LRP1B: variants seen among roughly 807,000 people sequenced by gnomAD.
The protein encoded by LRP1B is low-density lipoprotein receptor-related protein 1B.
In LRP1B, 217 loss-of-function variants were observed where a neutral mutation model predicts 556.6. The observed-to-expected ratio is 0.39, with a 90% CI of 0.35 to 0.44. The LOEUF is 0.44. Ranked by LOEUF, LRP1B falls within the 20% of genes least tolerant of loss-of-function variation. The pLI, the probability that LRP1B is intolerant of heterozygous loss-of-function variation, is 1.00. For synonymous variants in LRP1B, 2,047 were observed against 1,865.8 expected, an observed-to-expected ratio of 1.10 and a Z score of -2.50; for missense variants, 5,053 against 5,620.8, an observed-to-expected ratio of 0.90 and a Z score of 3.23.
At chr2:140,933,653 CATA>C (rs1440304283) in intron 20 of LRP1B, among the ~76,000 whole-genome samples, 1 of 152,028 alleles carries the variant, frequency 6.6e-6, no homozygotes, top group Non-Finnish European at 1.5e-5. Context: ...TGTCAAAGTG[CATA>C]ATAATTGTCT....
chr2:141,761,000 T>A (rs1442801942), intron 2 of LRP1B, among the ~76,000 whole-genome samples: 1 of 152,192 alleles, frequency 6.6e-6, no homozygotes, highest in African/African-American at 2.4e-5. Context: ...CCTCTGTTCT[T>A]TTATTATTTT....
chr2:140,617,332 C>T (rs492772), intron 41 of LRP1B, among the ~76,000 whole-genome samples: 150,241 of 151,998 alleles, frequency 0.99, 74,279 homozygotes, highest in Middle Eastern at 1. Flanking sequence ...AAGGTGATAC[C>T]TGCAAAACAG....
chr2:141,792,766 G>T (rs932319294), intron 2 of LRP1B, among the ~76,000 whole-genome samples: 1 of 152,054 alleles, frequency 6.6e-6, no homozygotes, highest in South Asian at 2.1e-4. Context: ...CACAGGGAAC[G>T]AATAGTGTAA....
intron 7 of LRP1B, among the ~76,000 whole-genome samples, chr2:141,072,790 A>G (rs1699682387): frequency 6.6e-6 from 1 of 152,246 alleles, no homozygotes; most frequent in Middle Eastern, 3.4e-3. Context: ...TGCAGAAATT[A>G]GAGCATACAG....
chr2:141,206,753 G>T (rs1055233158), intron 6 of LRP1B, among the ~76,000 whole-genome samples: 2 of 152,090 alleles, frequency 1.3e-5, no homozygotes, highest in African/African-American at 2.4e-5. Context: ...CTAAGGTTCT[G>T]CATGCTAATC....
chr2:140,444,097 T>A (rs1686547595), intron 65 of LRP1B, among the ~76,000 whole-genome samples: 1 of 152,204 alleles, frequency 6.6e-6, no homozygotes, highest in African/African-American at 2.4e-5. Context: ...TGAATGTTGT[T>A]CATGTTTGTC....
chr2:141,286,846 A>G, intron 3 of LRP1B: 1 of 338,378 alleles, frequency 3.0e-6, no homozygotes, highest in South Asian at 2.1e-5. Flanking sequence ...GCCCAATTGA[A>G]CTTTCTGTAA....
Position 140,650,091 on chromosome 2 carries a change from G to C in LRP1B, c.6800-48452C>G, listed in dbSNP as rs503560. On this transcript the variant is annotated intron_variant, in intron 41 of 90. Coordinates refer to ENST00000389484, the MANE Select transcript of LRP1B (RefSeq NM_018557.3). ...TATATATTCTAAAAGTAAGCTACAC[G>C]AAAGAGACAATTTTTCTTAGTGCAA... Among the ~76,000 whole-genome samples the C allele has an allele frequency of 8.8e-3, 1,335 of 151,786 alleles. 19 individuals carry two copies. The highest frequency in any genetic ancestry group is 0.031 in the African/African-American group (1,277 of 41,410).
intron 3 of LRP1B, among the ~76,000 whole-genome samples, chr2:141,326,790 T>A (rs187479110): frequency 7.8e-4 from 119 of 152,234 alleles, no homozygotes; most frequent in Middle Eastern, 6.8e-3. Flanking sequence ...TGTAGACCTG[T>A]TTGTGCAAAC....
At chr2:141,886,618 C>A (rs62155427) in intron 1 of LRP1B, among the ~76,000 whole-genome samples, 1 of 152,138 alleles carries the variant, frequency 6.6e-6, no homozygotes, top group African/African-American at 2.4e-5. Flanking sequence ...TTAGGGATAG[C>A]TCCCAGTACA....
chr2:140,951,940 T>G lies in LRP1B; in HGVS notation c.2888A>C (p.Glu963Ala), dbSNP rs774388599. The change falls in exon 19 of 91, where the codon GAA (glutamate) becomes GCA (alanine). Residue 963 changes from glutamate to alanine, a missense_variant and splice_region_variant. Glu to Ala is a moderately radical substitution (Grantham distance 107). Coordinates refer to ENST00000389484, the MANE Select transcript of LRP1B (RefSeq NM_018557.3). ...GDQTDEMASC[E>A]FPTCEPLTQF... ...GGTTAGTGGCTCACAAGTTGGGAAT[T>G]CTGTGAAAGATATAAAAATGTCCAA... 3.7e-6 allele frequency: 6 copies of G among 1,609,524 alleles called. No individual in the cohort carries two copies. In the South Asian group the frequency reaches 6.6e-5, roughly 18 times the overall value.
chr2:141,975,275 C>T lies in LRP1B; in HGVS notation c.82+155373G>A, dbSNP rs189257102. Among the ~76,000 whole-genome samples the T allele has an allele frequency of 2.0e-5, 3 of 152,114 alleles. No individual in the cohort carries two copies. The East Asian group carries it at 5.8e-4, about 29-fold the overall frequency. Reference sequence around the variant, plus strand: ...TAATATACTGTTAAAATGTAATTTGCCTTCTAAAGGAATAACAGTTTTGTT... The same window carrying T: ...TAATATACTGTTAAAATGTAATTTGTCTTCTAAAGGAATAACAGTTTTGTT... On this transcript the variant is annotated intron_variant, in intron 1 of 90. Transcript: ENST00000389484.
At position 141,978,932 on chromosome 2, in the gene LRP1B, A is replaced by AT. The variant is rs554122256; in HGVS notation, c.82+151715dup. On this transcript the variant is annotated intron_variant, in intron 1 of 90. Coordinates refer to ENST00000389484, the MANE Select transcript of LRP1B (RefSeq NM_018557.3). ...AAGAAAAAAATGAAGAGAATAAGACATTTTTTTTTCTGATAAGAAAACTGA... is the reference window on the plus strand; with the variant it reads ...AAGAAAAAAATGAAGAGAATAAGACATTTTTTTTTTCTGATAAGAAAACTGA... Among the ~76,000 whole-genome samples the AT allele has an allele frequency of 3.4e-3, 510 of 149,746 alleles. 3 individuals carry two copies. The highest frequency in any genetic ancestry group is 5.2e-3 in the Non-Finnish European group (355 of 67,628).
intron 35 of LRP1B, among the ~76,000 whole-genome samples, chr2:140,756,142 A>T (rs1356573369): frequency 6.6e-6 from 1 of 152,010 alleles, no homozygotes; most frequent in South Asian, 2.1e-4. Context: ...TACAAAATTT[A>T]TACTCTGAAA....
At chr2:141,519,019 A>T (rs1684429671) in intron 2 of LRP1B, among the ~76,000 whole-genome samples, 1 of 104,346 alleles carries the variant, frequency 9.6e-6, no homozygotes, top group African/African-American at 3.6e-5. Flanking sequence ...CATTGCAAAC[A>T]AGACTCTGAG....
chr2:142,055,734 C>T (rs1704644289), intron 1 of LRP1B, among the ~76,000 whole-genome samples: 2 of 152,164 alleles, frequency 1.3e-5, no homozygotes, highest in Non-Finnish European at 2.9e-5. Context: ...TGAATCTGCT[C>T]ATCTCACATT....
rs542541462 is a variant in LRP1B, at chr2:141,307,813, T to C, written c.344-53172A>G. ...GATTCTTGGGCCTTCAGATAGGTTGTCGAGGTGCTGGCATTGGCAGCAGTG... is the reference window on the plus strand; with the variant it reads ...GATTCTTGGGCCTTCAGATAGGTTGCCGAGGTGCTGGCATTGGCAGCAGTG... On this transcript the variant is annotated intron_variant, in intron 3 of 90. Transcript: ENST00000389484. 2.6e-5 allele frequency among the ~76,000 whole-genome samples: 4 copies of C among 152,280 alleles called. No homozygotes were observed. In the South Asian group the frequency reaches 8.3e-4, roughly 32 times the overall value.
In LRP1B at chr2:141,810,404, G is replaced by C; in HGVS notation, c.83-3C>G. 1 of 1,612,180 alleles carries C rather than the reference G, an allele frequency of 6.2e-7. No individual in the cohort carries two copies. Among genetic ancestry groups the C allele is most frequent in the Non-Finnish European group, 8.5e-7 (1 of 1,178,888 alleles). On this transcript the variant is annotated splice_polypyrimidine_tract_variant and splice_region_variant and intron_variant, in intron 1 of 90. Transcript: ENST00000389484. ...ACCAGGATCACACAACTGCTGATCT[G>C]AAAATGAAAATGTTTCGAAATAAAA... is the stretch of plus-strand genomic sequence containing the variant.
intron 43 of LRP1B, among the ~76,000 whole-genome samples, chr2:140,590,061 T>C (rs1682154175): frequency 6.6e-6 from 1 of 152,058 alleles, no homozygotes; most frequent in Admixed American, 6.5e-5. Flanking sequence ...CATGTGAATC[T>C]ACAGTTATCT....
Sources: allele counts gnomAD v4.1 joint callset (sites outside exome capture counted in the v4.1 genomes callset), GRCh38; gene constraint gnomAD v4.1.1; transcripts MANE v1.5; gene names NCBI Gene and HGNC (gene_info 2026-07-23, HGNC 2026-07-21).